The following ATP6V1B1 variants were observed in gnomAD, a reference collection of about 807,000 sequenced individuals.
The protein encoded by ATP6V1B1 is ATPase H+ transporting V1 subunit B1, also known as V-type proton ATPase subunit B, kidney isoform.
Under a neutral mutation model 62.1 loss-of-function variants are expected in ATP6V1B1, and 41 were observed. That is an observed-to-expected ratio of 0.66 (90% CI 0.51 to 0.86). ATP6V1B1 has a LOEUF of 0.86. Ranked by LOEUF, ATP6V1B1 falls within the 40% of genes least tolerant of loss-of-function variation. The probability of loss-of-function intolerance (pLI) is 0.00; values close to 1 mark genes in which losing one functional copy is unlikely to be tolerated. For missense variants in ATP6V1B1, 651 were observed against 697.5 expected (o/e 0.93, Z 0.75); for synonymous variants, 253 against 273.4 (o/e 0.93, Z 0.74).
intron 2 of ATP6V1B1, among the ~76,000 whole-genome samples, chr2:70,946,061 C>A (rs955076752): frequency 9.2e-5 from 14 of 152,002 alleles, no homozygotes; most frequent in Non-Finnish European, 2.1e-4. Context: ...ATCTTCAGCT[C>A]CAGAAGCCCA....
Position 70,948,834 on chromosome 2 carries a change from C to T in ATP6V1B1, c.174+5121C>T, listed in dbSNP as rs533718576. On this transcript the variant is annotated intron_variant, in intron 2 of 13. Coordinates refer to ENST00000234396, the MANE Select transcript of ATP6V1B1 (RefSeq NM_001692.4). ...CCCTTCCGTGTGATTGTCAGGGCTGCAAACCTAGTCTCAAGTTCGACCAGC... is the reference window on the plus strand; with the variant it reads ...CCCTTCCGTGTGATTGTCAGGGCTGTAAACCTAGTCTCAAGTTCGACCAGC... Among the ~76,000 whole-genome samples the T allele has an allele frequency of 7.9e-5, 12 of 152,258 alleles. 1 individual carries two copies. The South Asian group carries it at 2.3e-3, about 29-fold the overall frequency.
chr2:70,960,384 G>A (rs959946550), intron 6 of ATP6V1B1, among the ~76,000 whole-genome samples: 7 of 152,126 alleles, frequency 4.6e-5, no homozygotes, highest in African/African-American at 7.2e-5. Context: ...TTACTCACCC[G>A]CTCCTGCTTC....
intron 1 of ATP6V1B1, chr2:70,941,636 T>C (rs1224560201): frequency 1.1e-6 from 1 of 880,086 alleles, no homozygotes; most frequent in African/African-American, 1.8e-5. Context: ...GCACTTCACA[T>C]TTTCATTTGT....
rs568989463 is a variant in ATP6V1B1, at chr2:70,957,148, G to A, written c.175-898G>A. Among the ~76,000 whole-genome samples the A allele has an allele frequency of 1.7e-3, 245 of 143,594 alleles. 1 individual carries two copies. Among genetic ancestry groups the A allele is most frequent in the African/African-American group, 6.1e-3 (233 of 38,052 alleles). 94.2% of individuals were successfully genotyped at this position (143,594 alleles called of 152,430 possible). A position where few individuals can be genotyped will look rare whatever the true frequency, so the allele number is the denominator to read the frequency against. ...ATCACCCAGGCTGGAGTGCAGTGGC[G>A]TGATGTCGGCTCACTGCAACCTCTG... On this transcript the variant is annotated intron_variant, in intron 2 of 13. Transcript: ENST00000234396.
intron 1 of ATP6V1B1, chr2:70,943,457 G>C (rs567052934): frequency 1.4e-6 from 1 of 695,028 alleles, no homozygotes; most frequent in Admixed American, 2.0e-5. Context: ...TCCTGCAGGT[G>C]TCCGAGCAGC....
At chr2:70,943,498 A>G (rs782749416) in intron 1 of ATP6V1B1, 160 bp from the exon 2 acceptor site, 7 of 789,904 alleles carry the variant, frequency 8.9e-6, no homozygotes, top group East Asian at 2.7e-5. Context: ...CATGACCCTT[A>G]CAGCAATGGT....
intron 1 of ATP6V1B1, among the ~76,000 whole-genome samples, chr2:70,937,566 C>T (rs1679888594): frequency 6.6e-6 from 1 of 152,002 alleles, no homozygotes; most frequent in Admixed American, 6.5e-5. Context: ...ACTGGGCCCC[C>T]TTGGGTCCAG....
chr2:70,954,530 T>C (rs578019369), intron 2 of ATP6V1B1, among the ~76,000 whole-genome samples: 1 of 152,264 alleles, frequency 6.6e-6, no homozygotes, highest in South Asian at 2.1e-4. Context: ...TTGCCTCTAA[T>C]GACAAGGAGT....
In ATP6V1B1 at chr2:70,942,244, A is replaced by T. The variant is rs941613547; in HGVS notation, c.119-1414A>T. 9.9e-6 allele frequency: 4 copies of T among 403,292 alleles called. No homozygotes were observed. The Admixed American group carries it at 1.3e-4, about 13-fold the overall frequency. 25.0% of individuals were successfully genotyped at this position (403,292 alleles called of 1,614,324 possible). ...AGGGTGGCTCAGGTGCAGGCCAGGC[A>T]GGTCTGTAAGGTAGGTTTGAAGGCA... On this transcript the variant is annotated intron_variant, in intron 1 of 13. Transcript: ENST00000234396.
At chr2:70,961,857 G>T in intron 8 of ATP6V1B1, 164 bp downstream of exon 8, 2 of 733,410 alleles carry the variant, frequency 2.7e-6, no homozygotes, top group Middle Eastern at 7.0e-4. Context: ...CCTGGGAAGG[G>T]CTAGGAAAAC....
At chr2:70,944,453 C>T (rs781859835) in intron 2 of ATP6V1B1, among the ~76,000 whole-genome samples, 2 of 151,836 alleles carry the variant, frequency 1.3e-5, no homozygotes, top group East Asian at 3.9e-4. Flanking sequence ...CTGGAAGTCT[C>T]GGTGCCCCTT....
chr2:70,960,134 G>A, intron 6 of ATP6V1B1, 56 bp downstream of exon 6: 1 of 1,608,656 alleles, frequency 6.2e-7, no homozygotes. Context: ...CAGAGGCTGG[G>A]GCTGCTGGAC....
chr2:70,945,719 TA>T (rs1558670965), intron 2 of ATP6V1B1, among the ~76,000 whole-genome samples: 1 of 131,792 alleles, frequency 7.6e-6, no homozygotes, highest in African/African-American at 3.0e-5. Flanking sequence ...TATATATATA[TA>T]TATATATATA....
chr2:70,943,875 G>C (rs1480484205), intron 2 of ATP6V1B1, 162 bp downstream of exon 2: 2 of 771,592 alleles, frequency 2.6e-6, no homozygotes, highest in African/African-American at 3.8e-5. Flanking sequence ...TTCCCTAGCT[G>C]TATCCCCAGC....
intron 1 of ATP6V1B1, chr2:70,941,064 G>C (rs548403886): frequency 8.7e-6 from 4 of 458,304 alleles, no homozygotes; most frequent in African/African-American, 4.3e-5. Context: ...CCACAGGCAC[G>C]TTCCACCATG....
chr2:70,964,860 A>G lies in ATP6V1B1; in HGVS notation c.1373A>G (p.Asn458Ser), dbSNP rs1434098166. ...FLQKFEKNFI[N>S]QGPYENRSVF... ...CAGAAGTTTGAGAAGAACTTCATCA[A>G]TCAGGGTAAGGCGCGTCGCTGGTGT... The change falls in exon 13 of 14, where the codon AAT becomes AGT. Residue 458 changes from asparagine to serine, a missense_variant. Physicochemically the swap from Asn to Ser is conservative, Grantham distance 46. Transcript: ENST00000234396. 6.2e-6 allele frequency: 10 copies of G among 1,613,912 alleles called. No individual in the cohort carries two copies. Among genetic ancestry groups the G allele is most frequent in the East Asian group, 4.5e-5 (2 of 44,882 alleles).
rs782497280 is a variant in ATP6V1B1, at chr2:70,962,784, C to T, written c.793C>T (p.Arg265Trp). The T allele has an allele frequency of 4.3e-6, 7 of 1,613,778 alleles. No homozygotes were observed. Among genetic ancestry groups the T allele is most frequent in the East Asian group, 2.2e-5 (1 of 44,900 alleles). The change falls in exon 9 of 14, where the codon CGG becomes TGG. Residue 265 changes from arginine (R) to tryptophan (W), a missense_variant. Arg to Trp is a moderately radical substitution (Grantham distance 101). Transcript: ENST00000234396. ...LNLANDPTIE[R>W]IITPRLALTT... The stretch of plus-strand genomic sequence containing the variant: ...ACCTGGCTACACCTCCAGGATCGAG[C>T]GGATCATCACCCCGCGCCTGGCGCT...
In ATP6V1B1 at chr2:70,946,960, C is replaced by A. The variant is rs145011024; in HGVS notation, c.174+3247C>A. 1.1e-3 allele frequency among the ~76,000 whole-genome samples: 165 copies of A among 152,336 alleles called. 1 individual carries two copies. Among genetic ancestry groups the A allele is most frequent in the African/African-American group, 3.7e-3 (154 of 41,580 alleles). ...GGTGGTGGAGGCACCTCTCCCCATC[C>A]CTCTCCGTTGCCCCTACCCCTTTCC... On this transcript the variant is annotated intron_variant, in intron 2 of 13. Transcript: ENST00000234396.
At chr2:70,949,239 A>G (rs1680264666) in intron 2 of ATP6V1B1, among the ~76,000 whole-genome samples, 1 of 152,094 alleles carries the variant, frequency 6.6e-6, no homozygotes, top group South Asian at 2.1e-4. Flanking sequence ...GGATCCACTG[A>G]CAGTGTCAGC....
Sources: allele counts gnomAD v4.1 joint callset (sites outside exome capture counted in the v4.1 genomes callset), GRCh38; gene constraint gnomAD v4.1.1; transcripts MANE v1.5; gene names NCBI Gene and HGNC (gene_info 2026-07-23, HGNC 2026-07-21).